PEG3: variants seen among roughly 807,000 people sequenced by gnomAD.
The protein encoded by PEG3 is paternally expressed 3, also known as paternally-expressed gene 3 protein.
In PEG3, 23 loss-of-function variants were observed where a neutral mutation model predicts 35.5. The observed-to-expected ratio is 0.65, with a 90% confidence interval of 0.47 to 0.92. The LOEUF (loss-of-function observed/expected upper bound fraction) is 0.92. Ranked by LOEUF, PEG3 falls within the 40% of genes least tolerant of loss-of-function variation. The pLI is 0.00. For missense variants in PEG3, 1,960 were observed against 1,985.3 expected (o/e 0.99, Z 0.24); for synonymous variants, 707 against 697.0 (o/e 1.01, Z -0.23).
At chr19:56,838,509 C>G (rs1304897077) in intron 1 of PEG3, among the ~76,000 whole-genome samples, 1 of 152,128 alleles carries the variant, frequency 6.6e-6, no homozygotes, top group Non-Finnish European at 1.5e-5. Flanking sequence ...CCTCGCAGCT[C>G]CCCCACTAAG....
rs752160966 is a variant in PEG3, at chr19:56,824,269, T to A, written c.387A>T (p.Gln129His). ...TLLENYKEMY[Q>H]PEDDNNSDVT... Reference sequence around the variant, plus strand: ...CCCCGTGGAGACTCTCACCTTCTGGTTGGTACATCTCCTTGTAATTCTCCA... The same window carrying A: ...CCCCGTGGAGACTCTCACCTTCTGGATGGTACATCTCCTTGTAATTCTCCA... Residue 129 changes from glutamine (Q) to histidine (H), a missense_variant, in exon 4 of 10, where the codon CAA (glutamine) becomes CAT (histidine). Gln to His is a conservative substitution (Grantham distance 24). This residue lies in a region of PEG3 where 613 missense variants were observed against 577.1 expected (regional missense o/e 1.06). Coordinates refer to ENST00000326441, the MANE Select transcript of PEG3 (RefSeq NM_006210.3). The A allele has an allele frequency of 6.2e-7, 1 of 1,613,400 alleles. No homozygotes were observed. Among genetic ancestry groups the A allele is most frequent in the Admixed American group, 1.7e-5 (1 of 60,004 alleles).
In PEG3 at chr19:56,810,383, A is replaced by C. The variant is rs942447814; in HGVS notation, c.*3292T>G. ...AACAAAATAACCATAATCCCACAAC[A>C]ACCACACAACTATTTCTTGTTTTTC... On this transcript the variant is annotated 3_prime_UTR_variant, in exon 10 of 10. Coordinates refer to ENST00000326441, the MANE Select transcript of PEG3 (RefSeq NM_006210.3). 49 of 985,410 alleles carry C rather than the reference A, an allele frequency of 5.0e-5. No individual in the cohort carries two copies. In the South Asian group the frequency reaches 7.0e-4, roughly 14 times the overall value. 61.0% of individuals were successfully genotyped at this position (985,410 alleles called of 1,614,324 possible).
intron 2 of PEG3, among the ~76,000 whole-genome samples, chr19:56,829,597 G>A (rs1373449518): frequency 2.6e-5 from 4 of 152,202 alleles, no homozygotes; most frequent in Admixed American, 2.6e-4. Flanking sequence ...AGGAAGTGCT[G>A]GTCAACCTTC....
At chr19:56,822,345 G>A (rs1017728800) in intron 6 of PEG3, among the ~76,000 whole-genome samples, 1 of 152,150 alleles carries the variant, frequency 6.6e-6, no homozygotes, top group African/African-American at 2.4e-5. Flanking sequence ...GCTCAGATGT[G>A]GCACTTCCCT....
At chr19:56,818,943 A>T (rs1022680978) in intron 7 of PEG3, among the ~76,000 whole-genome samples, 1 of 152,210 alleles carries the variant, frequency 6.6e-6, no homozygotes, top group Non-Finnish European at 1.5e-5. Context: ...CATGCAGCTT[A>T]TAATTTGGTT....
intron 1 of PEG3, among the ~76,000 whole-genome samples, chr19:56,837,118 AG>A (rs1367005297): frequency 1.3e-5 from 2 of 152,090 alleles, no homozygotes; most frequent in African/African-American, 4.8e-5. Flanking sequence ...AGTGAGCTCT[AG>A]GACTCCGTAG....
chr19:56,824,148 C>T (rs2146356707), intron 4 of PEG3, 114 bp downstream of exon 4: 1 of 1,492,176 alleles, frequency 6.7e-7, no homozygotes. Flanking sequence ...ATCCCCACCG[C>T]TGCCCAGGAC....
intron 5 of PEG3, among the ~76,000 whole-genome samples, chr19:56,823,289 T>A (rs2060678648): frequency 6.6e-6 from 1 of 152,208 alleles, no homozygotes; most frequent in Admixed American, 6.5e-5. Flanking sequence ...CACTGAAGCA[T>A]CTTTAATGAA....
At chr19:56,825,575 T>TA (rs397763912) in intron 3 of PEG3, among the ~76,000 whole-genome samples, 8 of 152,050 alleles carry the variant, frequency 5.3e-5, no homozygotes, top group African/African-American at 1.2e-4. Context: ...TCCTTTTTTT[T>TA]ATGTAACCAA....
rs1239042998 is a variant in PEG3, at chr19:56,816,930, A to C, written c.1512T>G (p.Arg504=). 6.2e-7 allele frequency: 1 copy of C among 1,614,118 alleles called. No homozygotes were observed. The highest frequency in any genetic ancestry group is 8.5e-7 in the Non-Finnish European group (1 of 1,180,014). The part of the protein sequence containing the change: ...EVQKSQVGGK[R]FECKDCGETF... ...TCTCTCCACAGTCCTTACATTCAAA[A>C]CGTTTCCCTCCAACCTGACTTTTCT... The change falls in exon 10 of 10, where the codon CGT becomes CGG. Residue 504 remains arginine (R), a synonymous_variant. Transcript: ENST00000326441.
In PEG3 at chr19:56,811,305, T is replaced by TC; in HGVS notation, c.*2369_*2370insG. ...ATAAGCATATATATTTTTAAACAGTTATAATGAACTGTTTAAATGAACTGT... is the reference window on the plus strand; with the variant it reads ...ATAAGCATATATATTTTTAAACAGTTCATAATGAACTGTTTAAATGAACTGT... On this transcript the variant is annotated 3_prime_UTR_variant, in exon 10 of 10. Transcript: ENST00000326441. 1.1e-6 allele frequency: 1 copy of TC among 912,060 alleles called. No individual in the cohort carries two copies. The highest frequency in any genetic ancestry group is 1.3e-6 in the Non-Finnish European group (1 of 763,156). 56.5% of individuals were successfully genotyped at this position (912,060 alleles called of 1,614,324 possible).
At chr19:56,836,362 T>TAC (rs1203138942) in intron 1 of PEG3, among the ~76,000 whole-genome samples, 4 of 152,168 alleles carry the variant, frequency 2.6e-5, no homozygotes, top group South Asian at 4.1e-4. Context: ...TGGGGTGTCT[T>TAC]ACAACCTTCT....
Position 56,827,854 on chromosome 19 carries a change from G to A in PEG3, c.-162-1391C>T, listed in dbSNP as rs573984130. Among the ~76,000 whole-genome samples, 44 of 152,246 alleles carry A rather than the reference G, an allele frequency of 2.9e-4. No homozygotes were observed. The South Asian group carries it at 8.3e-3, about 29-fold the overall frequency. On this transcript the variant is annotated intron_variant, in intron 2 of 9. Transcript: ENST00000326441. Reference sequence around the variant, plus strand: ...ACAGCATTCTCAGAAACTAAAAAAAGATGTGCTTAGACAGATGATTTCTAG... The same window carrying A: ...ACAGCATTCTCAGAAACTAAAAAAAAATGTGCTTAGACAGATGATTTCTAG...
chr19:56,821,812 G>C, intron 6 of PEG3, 58 bp from the exon 7 acceptor site: 1 of 1,592,442 alleles, frequency 6.3e-7, no homozygotes, highest in South Asian at 1.1e-5. Flanking sequence ...GCAGGTCCCA[G>C]GTTTGTCCCA....
In PEG3 at chr19:56,811,066, G is replaced by T. The variant is rs967660184; in HGVS notation, c.*2609C>A. On this transcript the variant is annotated 3_prime_UTR_variant, in exon 10 of 10. Coordinates refer to ENST00000326441, the MANE Select transcript of PEG3 (RefSeq NM_006210.3). ...AGAAACAAGAATGAACAAGATAAGA[G>T]GAGAGTATATGTCTTTGGATGGTGG... is the stretch of plus-strand genomic sequence containing the variant. 19 of 977,258 alleles carry T rather than the reference G, an allele frequency of 1.9e-5. No homozygotes were observed. The highest frequency in any genetic ancestry group is 2.3e-5 in the Non-Finnish European group (19 of 824,592). The allele number at this position is 977,258 out of a possible 1,614,324, so 60.5% of individuals were successfully genotyped here.
At position 56,822,764 on chromosome 19, in the gene PEG3, T is replaced by G; in HGVS notation, c.554A>C (p.Asn185Thr). The G allele has an allele frequency of 6.2e-7, 1 of 1,614,112 alleles. No homozygotes were observed. ...EPRDRWSHTR[N>T]PRSRMPPRDL... ...TGGTTAAGACTCACTGCTTCTTGGGTTCCTGGTGTGGGACCAGCGGTCTCG... is the reference window on the plus strand; with the variant it reads ...TGGTTAAGACTCACTGCTTCTTGGGGTCCTGGTGTGGGACCAGCGGTCTCG... The change falls in exon 6 of 10, where the codon AAC (asparagine) becomes ACC (threonine). Residue 185 changes from asparagine to threonine, a missense_variant. By Grantham distance (65) the Asn-to-Thr change is moderately conservative. This residue lies in a region of PEG3 where 613 missense variants were observed against 577.1 expected (regional missense o/e 1.06). Transcript: ENST00000326441.
At position 56,813,849 on chromosome 19, in the gene PEG3, G is replaced by C. The variant is rs779244604; in HGVS notation, c.4593C>G (p.Ile1531Met). The stretch of plus-strand genomic sequence containing the variant: ...CAAAGGCATTTGCAGGCTCAAATAT[G>C]ATCATGCTGGCATGAGTTTTCAGGT... The part of the protein sequence containing the change: ...SEHLKTHASM[I>M]IFEPANAFGE... Residue 1531 changes from isoleucine (I) to methionine (M), a missense_variant, in exon 10 of 10, where the codon ATC becomes ATG. This residue lies in a region of PEG3 where 416 missense variants were observed against 416.7 expected (regional missense o/e 1.00). Transcript: ENST00000326441. 2 of 1,614,178 alleles carry C rather than the reference G, an allele frequency of 1.2e-6. No individual in the cohort carries two copies. The highest frequency in any genetic ancestry group is 1.7e-5 in the Admixed American group (1 of 60,032).
rs1023894571 is a variant in PEG3, at chr19:56,813,134, C to T, written c.*541G>A. Reference sequence around the variant, plus strand: ...ATATTGACAGGGTTCAAATAATGCACAATAAATCTTTCTCAGGATCTAAGA... The same window carrying T: ...ATATTGACAGGGTTCAAATAATGCATAATAAATCTTTCTCAGGATCTAAGA... On this transcript the variant is annotated 3_prime_UTR_variant, in exon 10 of 10. Transcript: ENST00000326441. The T allele has an allele frequency of 3.1e-6, 3 of 982,156 alleles. No homozygotes were observed. Among genetic ancestry groups the T allele is most frequent in the South Asian group, 4.7e-5 (1 of 21,222 alleles). The allele number at this position is 982,156 out of a possible 1,614,324, so 60.8% of individuals were successfully genotyped here. A position where few individuals can be genotyped will look rare whatever the true frequency, so the allele number is the denominator to read the frequency against.
chr19:56,840,158 T>C (rs2062833252), intron 1 of PEG3, among the ~76,000 whole-genome samples: 1 of 152,148 alleles, frequency 6.6e-6, no homozygotes, highest in Non-Finnish European at 1.5e-5. Context: ...CATTCCGCCG[T>C]GGCAACAGGG....
Sources: allele counts gnomAD v4.1 joint callset (sites outside exome capture counted in the v4.1 genomes callset), GRCh38; gene constraint gnomAD v4.1.1; regional missense constraint gnomAD v4.1.1; transcripts MANE v1.5; gene names NCBI Gene and HGNC (gene_info 2026-07-23, HGNC 2026-07-21).